The following DLG4 variants were observed in gnomAD, a reference collection of about 807,000 sequenced individuals.
DLG4 encodes disks large homolog 4.
Under a neutral mutation model 93.8 loss-of-function variants are expected in DLG4, and 7 were observed. The observed-to-expected ratio is 0.07, with a 90% CI of 0.04 to 0.14. The LOEUF is 0.14. Among genes scored for constraint, DLG4 ranks in the 10% least tolerant of loss-of-function variants. The probability of loss-of-function intolerance (pLI) is 1.00; values close to 1 mark genes in which losing one functional copy is unlikely to be tolerated. For missense variants in DLG4, 545 were observed against 992.9 expected (o/e 0.55, Z 6.06); for synonymous variants, 341 against 387.6 (o/e 0.88, Z 1.41).
In DLG4 at chr17:7,187,310, G is replaced by C. The variant is rs1052084385; in HGVS notation, c.*3398C>G. Among the ~76,000 whole-genome samples, 108 of 117,300 alleles carry C rather than the reference G, an allele frequency of 9.2e-4. 8 individuals carry two copies. The East Asian group carries it at 0.025, about 28-fold the overall frequency. 77.0% of individuals were successfully genotyped at this position (117,300 alleles called of 152,430 possible). A position where few individuals can be genotyped will look rare whatever the true frequency, so the allele number is the denominator to read the frequency against. On this transcript the variant is annotated 3_prime_UTR_variant, in exon 20 of 20. Transcript: ENST00000399506. Reference sequence around the variant, plus strand: ...ATCCTAGCACTTTGGGAGGCCGAGGGGGGGGGGGGTGGATCACCCGAGGTC... The same window carrying C: ...ATCCTAGCACTTTGGGAGGCCGAGGCGGGGGGGGGTGGATCACCCGAGGTC...
Position 7,208,118 on chromosome 17 carries a change from G to A in DLG4, c.96+56C>T. On this transcript the variant is annotated intron_variant, in intron 2 of 19. Transcript: ENST00000399506. The surrounding 1 kb of genome is among the most constrained non-coding windows in gnomAD (Gnocchi z 5.4). ...GGCGTGGCCCACGACCCCGTGGCCAGCCTCGAGGTGGGACAAGTTCCTCTC... is the reference window on the plus strand; with the variant it reads ...GGCGTGGCCCACGACCCCGTGGCCAACCTCGAGGTGGGACAAGTTCCTCTC... The A allele has an allele frequency of 7.6e-7, 1 of 1,320,466 alleles. No homozygotes were observed. The highest frequency in any genetic ancestry group is 9.8e-7 in the Non-Finnish European group (1 of 1,025,194). The allele number at this position is 1,320,466 out of a possible 1,614,324, so 81.8% of individuals were successfully genotyped here.
intron 17 of DLG4, chr17:7,192,360 C>A (rs1284305808): frequency 3.9e-6 from 1 of 257,160 alleles, no homozygotes; most frequent in Admixed American, 5.3e-5. Context: ...GGAAGGAAAG[C>A]CAAGAAAAAG....
In DLG4 at chr17:7,191,440, T is replaced by G; in HGVS notation, c.1977-82A>C. 9.1e-7 allele frequency: 1 copy of G among 1,094,490 alleles called. No homozygotes were observed. The highest frequency in any genetic ancestry group is 1.9e-5 in the Admixed American group (1 of 52,348). The allele number at this position is 1,094,490 out of a possible 1,614,324, so 67.8% of individuals were successfully genotyped here. A position where few individuals can be genotyped will look rare whatever the true frequency, so the allele number is the denominator to read the frequency against. On this transcript the variant is annotated intron_variant, in intron 18 of 19. Coordinates refer to ENST00000399506, the MANE Select transcript of DLG4 (RefSeq NM_001321075.3). The surrounding 1 kb of genome is among the most constrained non-coding windows in gnomAD (Gnocchi z 6.6). ...ATCTCCTCTATCCAGGAATGTTAAG[T>G]ATTCTTCTATTTGGAGCACATAGCA...
intron 1 of DLG4, chr17:7,211,787 G>GGGCTGCGGCGGCCGCGGCAACTGGA (rs2070718905): frequency 7.8e-6 from 1 of 127,470 alleles, no homozygotes. Flanking sequence ...AGAGGGGCGG[G>GGGCTGCGGCGGCCGCGGCAACTGGA]GGCTGCGGCG....
At position 7,191,715 on chromosome 17, in the gene DLG4, A is replaced by G; in HGVS notation, c.1976+178T>C. ...AAATGTAGTCCTGTCTAGCCAAGGC[A>G]GGAGAGGAGGGGAAAGACCCGATTC... On this transcript the variant is annotated intron_variant, in intron 18 of 19. Coordinates refer to ENST00000399506, the MANE Select transcript of DLG4 (RefSeq NM_001321075.3). This position sits in a 1 kb window ranked among gnomAD's most constrained non-coding sequence, Gnocchi z 6.6. 2 of 566,298 alleles carry G rather than the reference A, an allele frequency of 3.5e-6. No homozygotes were observed. Among genetic ancestry groups the G allele is most frequent in the South Asian group, 2.9e-5 (1 of 34,730 alleles). 35.1% of individuals were successfully genotyped at this position (566,298 alleles called of 1,614,324 possible). A position where few individuals can be genotyped will look rare whatever the true frequency, so the allele number is the denominator to read the frequency against.
At chr17:7,197,188 G>T (rs1839321865) in intron 8 of DLG4, 136 bp from the exon 9 acceptor site, 5 of 836,372 alleles carry the variant, frequency 6.0e-6, no homozygotes, top group Non-Finnish European at 9.1e-6. Flanking sequence ...GGGTGGGGTG[G>T]TAAGGGGATA....
chr17:7,198,700 T>C (rs2069946982), intron 8 of DLG4, among the ~76,000 whole-genome samples: 1 of 146,086 alleles, frequency 6.8e-6, no homozygotes, highest in Admixed American at 6.9e-5. Context: ...GTACAAAAAT[T>C]AGCTGGGCGC....
intron 8 of DLG4, chr17:7,202,569 G>A (rs957874967): frequency 8.7e-6 from 4 of 462,228 alleles, no homozygotes; most frequent in African/African-American, 5.8e-5. Context: ...GTGACCATTC[G>A]AACTGGCCTT....
intron 2 of DLG4, chr17:7,204,962 C>G (rs1025996678): frequency 3.2e-5 from 32 of 985,510 alleles, no homozygotes; most frequent in Admixed American, 6.1e-5. Flanking sequence ...GAGGCCCTGT[C>G]GTCAGGACAA....
rs1245018036 is a variant in DLG4 at position 7,187,309 on chromosome 17, G to GC, written c.*3398_*3399insG. 1.8e-4 allele frequency among the ~76,000 whole-genome samples: 16 copies of GC among 89,566 alleles called. 3 individuals carry two copies. The highest frequency in any genetic ancestry group is 3.6e-4 in the Non-Finnish European group (15 of 41,928). The allele number at this position is 89,566 out of a possible 152,430, so 58.8% of individuals were successfully genotyped here. A position where few individuals can be genotyped will look rare whatever the true frequency, so the allele number is the denominator to read the frequency against. On this transcript the variant is annotated 3_prime_UTR_variant, in exon 20 of 20. Transcript: ENST00000399506. Reference sequence around the variant, plus strand: ...AATCCTAGCACTTTGGGAGGCCGAGGGGGGGGGGGGTGGATCACCCGAGGT... The same window carrying GC: ...AATCCTAGCACTTTGGGAGGCCGAGGCGGGGGGGGGGTGGATCACCCGAGGT...
Position 7,203,957 on chromosome 17 carries a change from A to G in DLG4, c.210+51T>C. 6.3e-7 allele frequency: 1 copy of G among 1,599,862 alleles called. No individual in the cohort carries two copies. Reference sequence around the variant, plus strand: ...GCCACCCAGACCACATGGCAGAAAGAAAGGTACAGACGGGAGGCCACGGGG... The same window carrying G: ...GCCACCCAGACCACATGGCAGAAAGGAAGGTACAGACGGGAGGCCACGGGG... On this transcript the variant is annotated intron_variant, in intron 4 of 19. Transcript: ENST00000399506. The surrounding 1 kb of genome is among the most constrained non-coding windows in gnomAD (Gnocchi z 7.2).
rs548743766 is a variant in DLG4, at chr17:7,187,392, A to C, written c.*3316T>G. ...GAAATCCCCATCTCTACTAAATACA[A>C]AAAATTAGCTGGGCGTGGTGGCATG... On this transcript the variant is annotated 3_prime_UTR_variant, in exon 20 of 20. Coordinates refer to ENST00000399506, the MANE Select transcript of DLG4 (RefSeq NM_001321075.3). 7.5e-4 allele frequency among the ~76,000 whole-genome samples: 112 copies of C among 150,224 alleles called. No individual in the cohort carries two copies. Among genetic ancestry groups the C allele is most frequent in the Non-Finnish European group, 1.5e-3 (101 of 67,556 alleles).
rs1053818772 is a variant in DLG4 at position 7,188,631 on chromosome 17, T to G, written c.*2077A>C. 3.2e-4 allele frequency among the ~76,000 whole-genome samples: 49 copies of G among 152,196 alleles called. 1 individual carries two copies. Among genetic ancestry groups the G allele is most frequent in the South Asian group, 2.1e-4 (1 of 4,836 alleles). On this transcript the variant is annotated 3_prime_UTR_variant, in exon 20 of 20. Coordinates refer to ENST00000399506, the MANE Select transcript of DLG4 (RefSeq NM_001321075.3). The stretch of plus-strand genomic sequence containing the variant: ...TGACTCCCTAAAAGAACTAAAATTA[T>G]TTCTCCCTTATAATAAAGAAGTAGG...
In DLG4 at chr17:7,207,664, T is replaced by A. The variant is rs555756315; in HGVS notation, c.96+510A>T. 1.3e-5 allele frequency among the ~76,000 whole-genome samples: 2 copies of A among 151,134 alleles called. 1 individual carries two copies. The highest frequency in any genetic ancestry group is 4.2e-4 in the South Asian group (2 of 4,796). ...AGAGGTCCCAGGCGTGGGGGCCTCT[T>A]GGGGGATGCACACACCTCAACACAC... On this transcript the variant is annotated intron_variant, in intron 2 of 19. Coordinates refer to ENST00000399506, the MANE Select transcript of DLG4 (RefSeq NM_001321075.3).
At position 7,217,208 on chromosome 17, in the gene DLG4, TC is replaced by T; in HGVS notation, c.-62del. The T allele has an allele frequency of 8.0e-7, 1 of 1,256,938 alleles. No individual in the cohort carries two copies. Among genetic ancestry groups the T allele is most frequent in the South Asian group, 3.5e-5 (1 of 28,702 alleles). 77.9% of individuals were successfully genotyped at this position (1,256,938 alleles called of 1,614,324 possible). Reference sequence around the variant, plus strand: ...TCTGACTTCATCGGAGTTTCGTTCCTCCCCTCCGTGGGTTCTCACCCCTCCC... The same window carrying T: ...TCTGACTTCATCGGAGTTTCGTTCCTCCCTCCGTGGGTTCTCACCCCTCCC... On this transcript the variant is annotated 5_prime_UTR_variant, in exon 1 of 20. Transcript: ENST00000399506.
At chr17:7,209,191 C>T (rs1232968918) in intron 1 of DLG4, among the ~76,000 whole-genome samples, 1 of 152,094 alleles carries the variant, frequency 6.6e-6, no homozygotes, top group Non-Finnish European at 1.5e-5. Context: ...TGACTCCCTG[C>T]CCAGTTAATC....
rs1014946018 is a variant in DLG4, at chr17:7,189,181, T to A, written c.*1527A>T. 6.7e-6 allele frequency among the ~76,000 whole-genome samples: 1 copy of A among 149,902 alleles called. No homozygotes were observed. Among genetic ancestry groups the A allele is most frequent in the Non-Finnish European group, 1.5e-5 (1 of 67,670 alleles). ...GCGTATATTCACACAGCAGTTCTTA[T>A]CAGCAGAACTCTGTAAAGATCATTT... On this transcript the variant is annotated 3_prime_UTR_variant, in exon 20 of 20. Transcript: ENST00000399506.
At position 7,194,426 on chromosome 17, in the gene DLG4, C is replaced by T. The variant is rs376437516; in HGVS notation, c.1371G>A (p.Gly457=). The T allele has an allele frequency of 3.1e-6, 5 of 1,612,492 alleles. No individual in the cohort carries two copies. The highest frequency in any genetic ancestry group is 3.4e-6 in the Non-Finnish European group (4 of 1,179,334). Residue 457 remains glycine, a synonymous_variant, in exon 12 of 20, where the codon GGG becomes GGA. Transcript: ENST00000399506. This position sits in a 1 kb window ranked among gnomAD's most constrained non-coding sequence, Gnocchi z 4.4. Reference sequence around the variant, plus strand: ...TAGCATCGATGACATGCAGCACATCCCCAAAGCGGAAGCTCAGGGCCTGGC... The same window carrying T: ...TAGCATCGATGACATGCAGCACATCTCCAAAGCGGAAGCTCAGGGCCTGGC... The part of the protein sequence containing the change: ...FLSQALSFRF[G]DVLHVIDASD...
In DLG4 at chr17:7,189,437, C is replaced by T. The variant is rs1192375923; in HGVS notation, c.*1271G>A. On this transcript the variant is annotated 3_prime_UTR_variant, in exon 20 of 20. Transcript: ENST00000399506. The stretch of plus-strand genomic sequence containing the variant: ...CAGGGTGGCAGAGATCACAGTGAGC[C>T]GAGATCGAGCCACTGCACTCCAGCC... Among the ~76,000 whole-genome samples, 3 of 151,088 alleles carry T rather than the reference C, an allele frequency of 2.0e-5. No homozygotes were observed. The highest frequency in any genetic ancestry group is 4.9e-5 in the African/African-American group (2 of 41,040).
Sources: allele counts gnomAD v4.1 joint callset (sites outside exome capture counted in the v4.1 genomes callset), GRCh38; gene constraint gnomAD v4.1.1; non-coding constraint Gnocchi (gnomAD v3.1); transcripts MANE v1.5; gene names NCBI Gene and HGNC (gene_info 2026-07-23, HGNC 2026-07-21).